The following PCDHA2 variants were observed in gnomAD, a reference collection of about 807,000 sequenced individuals.
PCDHA2 encodes the protein protocadherin alpha 2.
A neutral mutation model predicts 66.0 loss-of-function variants in PCDHA2; 58 were observed. The observed-to-expected ratio is 0.88, with a 90% CI of 0.71 to 1.09. PCDHA2 has a LOEUF of 1.09. Ranked by LOEUF, PCDHA2 falls within the 50% of genes least tolerant of loss-of-function variation. The probability of loss-of-function intolerance (pLI) is 0.00; values close to 1 mark genes in which losing one functional copy is unlikely to be tolerated. For missense variants in PCDHA2, 1,267 were observed against 1,242.3 expected, an observed-to-expected ratio of 1.02 and a Z score of -0.30; for synonymous variants, 634 against 554.0, an observed-to-expected ratio of 1.14 and a Z score of -2.03.
intron 1 of PCDHA2, chr5:140,868,741 A>G: frequency 4.8e-6 from 1 of 208,168 alleles, no homozygotes; most frequent in South Asian, 1.1e-4. Flanking sequence ...GAGAAATACA[A>G]TGCCATTTCC....
At chr5:140,812,540 T>G (rs1456985298) in intron 1 of PCDHA2, 2 of 152,188 alleles carry the variant, frequency 1.3e-5, no homozygotes, top group Non-Finnish European at 2.9e-5. Flanking sequence ...CCTTTTTTTC[T>G]AGTTCCTTGA....
At chr5:140,975,491 C>T (rs2153807371) in intron 1 of PCDHA2, among the ~76,000 whole-genome samples, 1 of 152,274 alleles carries the variant, frequency 6.6e-6, no homozygotes, top group Middle Eastern at 3.4e-3. Flanking sequence ...TATCAATGTT[C>T]ATAAAATAGC....
rs146197308 is a variant in PCDHA2 at position 140,808,877 on chromosome 5, G to A, written c.2388+11525G>A. 1.9e-4 allele frequency: 304 copies of A among 1,613,254 alleles called. 1 individual carries two copies. In the African/African-American group the frequency reaches 3.5e-3, roughly 18 times the overall value. ...GCTGGACGAAAACGACAACGCGCCAGCACTGCTAGCGCCTCGGGCGGGTGG... is the reference window on the plus strand; with the variant it reads ...GCTGGACGAAAACGACAACGCGCCAACACTGCTAGCGCCTCGGGCGGGTGG... On this transcript the variant is annotated intron_variant, in intron 1 of 3. Transcript: ENST00000526136.
intron 1 of PCDHA2, chr5:140,841,773 G>T (rs1292935559): frequency 6.2e-7 from 1 of 1,613,894 alleles, no homozygotes; most frequent in Admixed American, 1.7e-5. Flanking sequence ...CCAGACTCTC[G>T]GTTTCCGCTA....
intron 1 of PCDHA2, among the ~76,000 whole-genome samples, chr5:140,957,748 G>T (rs2095381433): frequency 6.6e-6 from 1 of 152,080 alleles, no homozygotes; most frequent in South Asian, 2.1e-4. Context: ...GACATGAAAG[G>T]ATGTTCATTA....
chr5:140,832,824 CT>C (rs1772174939), intron 1 of PCDHA2, among the ~76,000 whole-genome samples: 1 of 152,060 alleles, frequency 6.6e-6, no homozygotes, highest in Non-Finnish European at 1.5e-5. Flanking sequence ...AAATCTTTGC[CT>C]TTTTCCCTTG....
intron 1 of PCDHA2, chr5:140,867,287 A>T (rs1264218929): frequency 1.3e-5 from 2 of 152,110 alleles, no homozygotes; most frequent in African/African-American, 2.4e-5. Context: ...ATGTGCTTCA[A>T]ATATCATGTT....
chr5:140,879,402 T>C (rs571790), intron 1 of PCDHA2, among the ~76,000 whole-genome samples: 2,265 of 152,304 alleles, frequency 0.015, 52 homozygotes, highest in African/African-American at 0.052. Context: ...TTTGTGTGTA[T>C]TTGAGCAGGT....
intron 1 of PCDHA2, among the ~76,000 whole-genome samples, chr5:140,931,140 G>C (rs1176305397): frequency 6.6e-6 from 1 of 152,070 alleles, no homozygotes; most frequent in African/African-American, 2.4e-5. Context: ...TATTTGCAGT[G>C]GATACTATTT....
intron 1 of PCDHA2, among the ~76,000 whole-genome samples, chr5:140,907,595 A>C (rs1278261727): frequency 6.6e-6 from 1 of 152,198 alleles, no homozygotes; most frequent in African/African-American, 2.4e-5. Flanking sequence ...GATCACCCTG[A>C]GGAATGGTGC....
intron 1 of PCDHA2, chr5:140,877,402 C>T: frequency 6.2e-7 from 1 of 1,613,934 alleles, no homozygotes; most frequent in African/African-American, 1.3e-5. Flanking sequence ...GGACGCTCCG[C>T]GCCACCGCCT....
chr5:140,937,219 T>C lies in PCDHA2; in HGVS notation c.2389-41730T>C, dbSNP rs555881657. Among the ~76,000 whole-genome samples the C allele has an allele frequency of 5.4e-3, 826 of 151,832 alleles. 4 individuals are homozygous for C. Among genetic ancestry groups the C allele is most frequent in the African/African-American group, 0.019 (796 of 41,458 alleles). ...TGCCCGGCTAATTTTTTGTATTTTT[T>C]GTAGAGACGGGGTTTCACCGTGTTA... On this transcript the variant is annotated intron_variant, in intron 1 of 3. Coordinates refer to ENST00000526136, the MANE Select transcript of PCDHA2 (RefSeq NM_018905.3).
At chr5:140,829,637 A>C in intron 1 of PCDHA2, 5 of 1,612,300 alleles carry the variant, frequency 3.1e-6, no homozygotes, top group Non-Finnish European at 4.2e-6. Context: ...GGAGAGCGGC[A>C]AGGTGTACGC....
intron 2 of PCDHA2, among the ~76,000 whole-genome samples, chr5:140,981,515 A>C (rs1554242933): frequency 1.3e-5 from 2 of 152,230 alleles, no homozygotes. Context: ...CAGAGGTTGC[A>C]GTGAGCTGAG....
chr5:140,877,242 G>A, intron 1 of PCDHA2: 1 of 1,613,732 alleles, frequency 6.2e-7, no homozygotes, highest in Non-Finnish European at 8.5e-7. Flanking sequence ...CGGGCCACGT[G>A]GTGGCGAAAG....
At chr5:141,003,663 A>G (rs1298864445) in intron 3 of PCDHA2, among the ~76,000 whole-genome samples, 4 of 152,204 alleles carry the variant, frequency 2.6e-5, no homozygotes, top group Non-Finnish European at 5.9e-5. Flanking sequence ...CATTTATTAA[A>G]ATATATGTTG....
chr5:140,856,514 G>T (rs781942781), intron 1 of PCDHA2: 5 of 1,598,422 alleles, frequency 3.1e-6, no homozygotes, highest in Non-Finnish European at 3.4e-6. Context: ...ACTAGAAGGC[G>T]CATCTGATGC....
intron 1 of PCDHA2, chr5:140,857,399 G>T (rs375062704): frequency 6.3e-7 from 1 of 1,598,510 alleles, no homozygotes; most frequent in Non-Finnish European, 8.6e-7. Context: ...GAACGACAAC[G>T]CGCCTGCGTT....
rs1016261014 is a variant in PCDHA2 at position 140,830,559 on chromosome 5, A to G, written c.2388+33207A>G. ...ATTGTTTTCCTCATATTTGTCTTCT[A>G]TATTTCTGTTTTTAATTTTTAATTA... On this transcript the variant is annotated intron_variant, in intron 1 of 3. Transcript: ENST00000526136. 69 of 1,015,108 alleles carry G rather than the reference A, an allele frequency of 6.8e-5. 1 individual carries two copies. Among genetic ancestry groups the G allele is most frequent in the African/African-American group, 1.5e-4 (9 of 59,492 alleles). The allele number at this position is 1,015,108 out of a possible 1,614,324, so 62.9% of individuals were successfully genotyped here.
Sources: allele counts gnomAD v4.1 joint callset (sites outside exome capture counted in the v4.1 genomes callset), GRCh38; gene constraint gnomAD v4.1.1; transcripts MANE v1.5; gene names NCBI Gene and HGNC (gene_info 2026-07-23, HGNC 2026-07-21).